GABRA3: variants seen among roughly 807,000 people sequenced by gnomAD.
The protein encoded by GABRA3 is gamma-aminobutyric acid type A receptor subunit alpha3, also known as gamma-aminobutyric acid receptor subunit alpha-3.
Under a neutral mutation model 30.1 loss-of-function variants are expected in GABRA3, and 10 were observed. The observed-to-expected ratio is 0.33, with a 90% CI of 0.20 to 0.56. The LOEUF is 0.56. Ranked by LOEUF, GABRA3 falls within the 20% of genes least tolerant of loss-of-function variation. The pLI is 0.89. For synonymous variants in GABRA3, 151 were observed against 146.8 expected (o/e 1.03, Z -0.21); for missense variants, 233 against 392.0 (o/e 0.59, Z 3.42).
intron 6 of GABRA3, among the ~76,000 whole-genome samples, chrX:152,209,261 T>A (rs1937609156): frequency 9.0e-6 from 1 of 111,091 alleles, no homozygotes; most frequent in South Asian, 3.8e-4. Context: ...GGGGCGTGAG[T>A]AAGGGAAATG....
rs139073525 is a variant in GABRA3, at chrX:152,303,346, C to T, written c.263-18611G>A. Among the ~76,000 whole-genome samples, 454 of 111,878 alleles carry T rather than the reference C, an allele frequency of 4.1e-3. 5 individuals carry two copies. Among genetic ancestry groups the T allele is most frequent in the African/African-American group, 0.013 (414 of 30,777 alleles). On this transcript the variant is annotated intron_variant, in intron 3 of 9. Coordinates refer to ENST00000370314, the MANE Select transcript of GABRA3 (RefSeq NM_000808.4). ...CGGCCAGGATGTGGAGGAATAGGAA[C>T]GCTTTTACACTGTTGTTGGGAGTGT...
chrX:152,259,312 A>G (rs761528853), intron 4 of GABRA3, among the ~76,000 whole-genome samples: 1 of 110,740 alleles, frequency 9.0e-6, no homozygotes, highest in South Asian at 3.9e-4. Flanking sequence ...AAGGGCAGCA[A>G]CTCGTAGGTG....
At chrX:152,418,853 G>T (rs967395262) in intron 1 of GABRA3, among the ~76,000 whole-genome samples, 1 of 111,266 alleles carries the variant, frequency 9.0e-6, no homozygotes, top group African/African-American at 3.3e-5. Flanking sequence ...TATGTTTATT[G>T]CGGCACTATT....
At chrX:152,413,604 T>A (rs1184984880) in intron 1 of GABRA3, among the ~76,000 whole-genome samples, 4 of 111,373 alleles carry the variant, frequency 3.6e-5, no homozygotes, top group Non-Finnish European at 1.9e-5. Context: ...TACCTATACA[T>A]GATTTATAAA....
rs1411534559 is a variant in GABRA3 at position 152,308,582 on chromosome X, G to A, written c.263-23847C>T. Among the ~76,000 whole-genome samples the A allele has an allele frequency of 4.5e-5, 5 of 111,937 alleles. No individual in the cohort carries two copies. The Admixed American group carries it at 4.7e-4, about 11-fold the overall frequency. The stretch of plus-strand genomic sequence containing the variant: ...CATCCAGAAATGAAGCCAGTTGACT[G>A]AATCCAACCTATAGCACAGTCAAAC... On this transcript the variant is annotated intron_variant, in intron 3 of 9. Coordinates refer to ENST00000370314, the MANE Select transcript of GABRA3 (RefSeq NM_000808.4).
intron 3 of GABRA3, among the ~76,000 whole-genome samples, chrX:152,335,981 A>C (rs1434121537): frequency 1.1e-4 from 12 of 111,484 alleles, no homozygotes; most frequent in Non-Finnish European, 1.9e-5. Context: ...TTAACCTCCC[A>C]AAGTGTTGGG....
At chrX:152,448,212 A>G in intron 1 of GABRA3, among the ~76,000 whole-genome samples, 1 of 112,238 alleles carries the variant, frequency 8.9e-6, no homozygotes, top group African/African-American at 3.2e-5. Context: ...CAGCAGTTTC[A>G]GGATCACCTA....
chrX:152,372,818 T>A (rs758251826), intron 1 of GABRA3, among the ~76,000 whole-genome samples: 1 of 112,369 alleles, frequency 8.9e-6, no homozygotes, highest in Non-Finnish European at 1.9e-5. Context: ...TTGCCTTAAA[T>A]AAATTGGGAT....
chrX:152,348,734 G>A (rs1241281409), intron 2 of GABRA3, among the ~76,000 whole-genome samples: 1 of 112,137 alleles, frequency 8.9e-6, no homozygotes, highest in African/African-American at 3.2e-5. Context: ...TGTTTATACT[G>A]TACAGCACTC....
At chrX:152,412,594 G>A (rs1263461131) in intron 1 of GABRA3, among the ~76,000 whole-genome samples, 1 of 111,751 alleles carries the variant, frequency 8.9e-6, no homozygotes, top group Non-Finnish European at 1.9e-5. Context: ...TTAAGTGAAA[G>A]AAAATGGACA....
chrX:152,360,805 G>A (rs1391777510), intron 2 of GABRA3, among the ~76,000 whole-genome samples: 2 of 103,570 alleles, frequency 1.9e-5, no homozygotes, highest in Admixed American at 2.0e-4. Context: ...AGGTGTGGTG[G>A]CCCACACCTG....
chrX:152,283,522 T>C (rs1939234320), intron 4 of GABRA3, among the ~76,000 whole-genome samples: 1 of 111,448 alleles, frequency 9.0e-6, no homozygotes, highest in African/African-American at 3.3e-5. Context: ...GATTGAAGAG[T>C]CATGTAAAAT....
intron 4 of GABRA3, among the ~76,000 whole-genome samples, chrX:152,270,610 T>G (rs1938914159): frequency 1.8e-5 from 2 of 110,849 alleles, no homozygotes; most frequent in South Asian, 3.8e-4. Flanking sequence ...ATCCCAGCAC[T>G]TTGGGAGGCC....
intron 5 of GABRA3, among the ~76,000 whole-genome samples, chrX:152,235,787 A>G (rs55906458): frequency 0.024 from 2,644 of 110,573 alleles, 42 homozygotes; most frequent in Middle Eastern, 0.062. Flanking sequence ...CACTACCCAA[A>G]GTGAGCTAGA....
chrX:152,201,452 C>T (rs972884342), intron 7 of GABRA3, among the ~76,000 whole-genome samples: 2 of 111,983 alleles, frequency 1.8e-5, no homozygotes, highest in African/African-American at 3.2e-5. Context: ...TAATGTTTTA[C>T]GTAACTGACT....
At chrX:152,375,253 T>C (rs748778741) in intron 1 of GABRA3, among the ~76,000 whole-genome samples, 1 of 111,865 alleles carries the variant, frequency 8.9e-6, no homozygotes, top group Non-Finnish European at 1.9e-5. Flanking sequence ...AACCAATTCA[T>C]GCTTTTCATA....
chrX:152,382,969 T>C (rs985239459), intron 1 of GABRA3, among the ~76,000 whole-genome samples: 2 of 111,935 alleles, frequency 1.8e-5, no homozygotes, highest in Non-Finnish European at 3.8e-5. Context: ...TGCCTTCACA[T>C]TTGTTCTTTT....
intron 5 of GABRA3, among the ~76,000 whole-genome samples, chrX:152,225,448 A>G (rs976311053): frequency 2.8e-5 from 3 of 107,859 alleles, no homozygotes; most frequent in Non-Finnish European, 5.8e-5. Context: ...ACACACACAC[A>G]CACACACACG....
At chrX:152,250,649 T>TGCC (rs1938537427) in intron 5 of GABRA3, 1 of 111,216 alleles carries the variant, frequency 9.0e-6, no homozygotes, top group Non-Finnish European at 1.9e-5. Context: ...TGTTCCAATT[T>TGCC]TAGTATGTGT....
Sources: gnomAD v4.1 joint callset for allele counts (sites outside exome capture counted in the v4.1 genomes callset) on GRCh38, gnomAD v4.1.1 for gene constraint, MANE v1.5 for transcripts, NCBI Gene and HGNC (gene_info 2026-07-23, HGNC 2026-07-21) for gene names.